CAPS2: variants seen among roughly 807,000 people sequenced by gnomAD.
CAPS2 encodes the protein calcyphosine 2, also known as calcyphosin-2.
Under a neutral mutation model 86.5 loss-of-function variants are expected in CAPS2, and 98 were observed. The ratio of observed to expected loss-of-function variants is 1.13; its 90% CI spans 0.96 to 1.34. The LOEUF (loss-of-function observed/expected upper bound fraction) is 1.34. Ranked by LOEUF, CAPS2 falls within the 40% of genes most tolerant of loss-of-function variation. The probability of loss-of-function intolerance (pLI) is 0.00; values close to 1 mark genes in which losing one functional copy is unlikely to be tolerated. For synonymous variants in CAPS2, 210 were observed against 225.1 expected (o/e 0.93, Z 0.60); for missense variants, 729 against 686.8 (o/e 1.06, Z -0.69).
chr12:75,368,018 T>A (rs1223316123), intron 1 of CAPS2, among the ~76,000 whole-genome samples: 1 of 152,138 alleles, frequency 6.6e-6, no homozygotes, highest in Non-Finnish European at 1.5e-5. Flanking sequence ...ACTTTAACAA[T>A]TTTTTCCTGC....
At chr12:75,363,856 C>A (rs2043784818) in intron 1 of CAPS2, among the ~76,000 whole-genome samples, 1 of 152,072 alleles carries the variant, frequency 6.6e-6, no homozygotes, top group Non-Finnish European at 1.5e-5. Flanking sequence ...ACTAAGACAT[C>A]AATCAATACA....
At chr12:75,359,446 G>A (rs571747155) in intron 1 of CAPS2, among the ~76,000 whole-genome samples, 6 of 111,886 alleles carry the variant, frequency 5.4e-5, no homozygotes, top group Non-Finnish European at 1.0e-4. Flanking sequence ...GGATTTTATT[G>A]TATAAATTGA....
rs141380318 is a variant in CAPS2 at position 75,289,987 on chromosome 12, C to G, written c.1241-212G>C. Among the ~76,000 whole-genome samples the G allele has an allele frequency of 7.8e-4, 119 of 152,228 alleles. 3 individuals carry two copies. In the East Asian group the frequency reaches 0.02, roughly 25 times the overall value. On this transcript the variant is annotated intron_variant, in intron 13 of 16. Coordinates refer to ENST00000393284, the Ensembl canonical transcript of CAPS2. ...AAAATCACATGTAAATATGCCAGAA[C>G]TATAGCACCACTGTGTGGTGGAAGT...
chr12:75,320,656 T>A (rs2040214255), intron 5 of CAPS2, among the ~76,000 whole-genome samples: 1 of 151,936 alleles, frequency 6.6e-6, no homozygotes, highest in South Asian at 2.1e-4. Flanking sequence ...TACAGGAAAA[T>A]GCTAAGCAAA....
intron 16 of CAPS2, among the ~76,000 whole-genome samples, chr12:75,281,047 CAAA>C (rs998759010): frequency 1.3e-5 from 2 of 151,728 alleles, no homozygotes; most frequent in Non-Finnish European, 3.0e-5. Context: ...AATAAATATA[CAAA>C]TGTAGGTTTA....
intron 8 of CAPS2, among the ~76,000 whole-genome samples, chr12:75,302,850 A>C (rs1166658303): frequency 6.6e-6 from 1 of 152,192 alleles, no homozygotes; most frequent in African/African-American, 2.4e-5. Flanking sequence ...GAAGAACTCA[A>C]ATAAAAAAAG....
At chr12:75,303,465 G>C (rs2038066160) in intron 8 of CAPS2, among the ~76,000 whole-genome samples, 1 of 152,186 alleles carries the variant, frequency 6.6e-6, no homozygotes. Context: ...GTAACTGGGA[G>C]GCAGCATAAG....
chr12:75,322,865 G>A, intron 4 of CAPS2: 2 of 612,818 alleles, frequency 3.3e-6, no homozygotes, highest in Non-Finnish European at 5.7e-6. Context: ...CCAACCTTAT[G>A]GTTTGGTATT....
chr12:75,299,882 T>C (rs2037521444), exon 9 of CAPS2: 2 of 1,530,202 alleles, frequency 1.3e-6, no homozygotes, highest in Non-Finnish European at 1.8e-6. Flanking sequence ...AGAAAGCACA[T>C]TTTCAGTTAA....
intron 1 of CAPS2, among the ~76,000 whole-genome samples, chr12:75,351,913 T>C (rs909223792): frequency 9.2e-5 from 14 of 152,086 alleles, no homozygotes; most frequent in Non-Finnish European, 1.5e-4. Flanking sequence ...AACAACATCA[T>C]AAGCGAAGGA....
chr12:75,346,803 T>G (rs1466160819), intron 1 of CAPS2, among the ~76,000 whole-genome samples: 1 of 152,166 alleles, frequency 6.6e-6, no homozygotes, highest in Non-Finnish European at 1.5e-5. Context: ...ACGAAATAGC[T>G]TAGTACATTT....
chr12:75,363,603 G>T (rs2043766458), intron 1 of CAPS2, among the ~76,000 whole-genome samples: 1 of 152,108 alleles, frequency 6.6e-6, no homozygotes, highest in South Asian at 2.1e-4. Flanking sequence ...TTCATGATCA[G>T]CTTTTTGGTT....
intron 1 of CAPS2, chr12:75,367,159 C>T: frequency 4.8e-6 from 3 of 619,196 alleles, no homozygotes; most frequent in Non-Finnish European, 8.7e-6. Context: ...AAATAGGGTA[C>T]CCAAAAGGCG....
intron 14 of CAPS2, among the ~76,000 whole-genome samples, chr12:75,288,304 CATG>C (rs2035258736): frequency 6.6e-6 from 1 of 152,104 alleles, no homozygotes; most frequent in Non-Finnish European, 1.5e-5. Flanking sequence ...TGTTAGGCAA[CATG>C]ATATTGGCAC....
At chr12:75,354,518 G>T (rs564060592) in intron 1 of CAPS2, among the ~76,000 whole-genome samples, 1 of 152,172 alleles carries the variant, frequency 6.6e-6, no homozygotes, top group Non-Finnish European at 1.5e-5. Context: ...CATGTTCATG[G>T]ATAGTAAGAA....
intron 14 of CAPS2, among the ~76,000 whole-genome samples, chr12:75,288,704 C>T (rs2035329298): frequency 6.6e-6 from 1 of 152,164 alleles, no homozygotes. Flanking sequence ...CTTCTCTTTT[C>T]CTTCCTTCCA....
chr12:75,387,210 C>A (rs1566050581), intron 1 of CAPS2, among the ~76,000 whole-genome samples: 3 of 152,094 alleles, frequency 2.0e-5, no homozygotes, highest in Admixed American at 1.3e-4. Flanking sequence ...TTAAACTCAA[C>A]AATCGAAAAA....
chr12:75,370,433 T>A (rs2044286798), intron 1 of CAPS2: 1 of 275,628 alleles, frequency 3.6e-6, no homozygotes. Flanking sequence ...AATTTTCTAA[T>A]GAGAATGGAT....
chr12:75,316,380 C>T (rs1375399006), exon 6 of CAPS2: 2 of 1,550,980 alleles, frequency 1.3e-6, no homozygotes, highest in Non-Finnish European at 1.7e-6. Flanking sequence ...TGTAAGATGG[C>T]TTTCCTATCC....
Sources: allele counts gnomAD v4.1 joint callset (sites outside exome capture counted in the v4.1 genomes callset), GRCh38; gene constraint gnomAD v4.1.1; transcripts MANE v1.5; gene names NCBI Gene and HGNC (gene_info 2026-07-23, HGNC 2026-07-21).